RAI14: variants seen among roughly 807,000 people sequenced by gnomAD.
The protein encoded by RAI14 is retinoic acid induced 14.
Under a neutral mutation model 115.4 loss-of-function variants are expected in RAI14, and 45 were observed. The ratio of observed to expected loss-of-function variants is 0.39; its 90% CI spans 0.31 to 0.50. The LOEUF (loss-of-function observed/expected upper bound fraction) is 0.50, where lower values mean the gene tolerates loss of function less well. Among genes scored for constraint, RAI14 ranks in the 20% least tolerant of loss-of-function variants. The pLI, the probability that RAI14 is intolerant of heterozygous loss-of-function variation, is 0.85. For missense variants in RAI14, 939 were observed against 1,131.2 expected (o/e 0.83, Z 2.44); for synonymous variants, 371 against 415.4 (o/e 0.89, Z 1.30).
intron 14 of RAI14, 90 bp downstream of exon 14, chr5:34,821,940 A>G: frequency 3.1e-6 from 2 of 650,380 alleles, no homozygotes; most frequent in Non-Finnish European, 5.3e-6. Flanking sequence ...TTAAATGTGT[A>G]CATTAGTTTC....
chr5:34,809,174 G>A (rs1048778276), intron 7 of RAI14, among the ~76,000 whole-genome samples: 2 of 152,162 alleles, frequency 1.3e-5, no homozygotes, highest in East Asian at 1.9e-4. Flanking sequence ...CACCAGTGGC[G>A]TTTGGGGATA....
chr5:34,747,559 TATA>T (rs2150064324), intron 2 of RAI14, among the ~76,000 whole-genome samples: 1 of 152,330 alleles, frequency 6.6e-6, no homozygotes, highest in East Asian at 1.9e-4. Flanking sequence ...AAATAATGAA[TATA>T]AGTAAATGAG....
chr5:34,771,429 A>G lies in RAI14; in HGVS notation c.167+13831A>G, dbSNP rs188815359. 1.8e-3 allele frequency among the ~76,000 whole-genome samples: 267 copies of G among 152,354 alleles called. 1 individual carries two copies. The highest frequency in any genetic ancestry group is 2.2e-3 in the Admixed American group (33 of 15,302). On this transcript the variant is annotated intron_variant, in intron 3 of 17. Transcript: ENST00000265109. ...GTTTGAGAGAAATTTTCAGTGAATG[A>G]ATATGCCTGAGAAATTGAAGTCTTG...
chr5:34,665,031 A>ATGTATATATATG (rs869073370), intron 1 of RAI14, among the ~76,000 whole-genome samples: 1 of 31,428 alleles, frequency 3.2e-5, no homozygotes, highest in Non-Finnish European at 7.8e-5. Flanking sequence ...GTATATATAT[A>ATGTATATATATG]TGTATATATA....
At chr5:34,754,740 T>C (rs1446096280) in intron 2 of RAI14, among the ~76,000 whole-genome samples, 4 of 152,190 alleles carry the variant, frequency 2.6e-5, no homozygotes, top group Non-Finnish European at 4.4e-5. Flanking sequence ...GAATGTTGCA[T>C]TGACCTTGTC....
At chr5:34,740,865 A>G (rs549165135) in intron 2 of RAI14, among the ~76,000 whole-genome samples, 69 of 152,232 alleles carry the variant, frequency 4.5e-4, no homozygotes, top group Non-Finnish European at 8.7e-4. Flanking sequence ...GAAGGCTATA[A>G]CAAATATGCC....
At chr5:34,751,070 C>T (rs1446578701) in intron 2 of RAI14, among the ~76,000 whole-genome samples, 6 of 151,254 alleles carry the variant, frequency 4.0e-5, no homozygotes, top group Non-Finnish European at 7.4e-5. Context: ...AGGCTGGTCT[C>T]GAACTCCCGA....
At chr5:34,821,567 TTTC>T (rs1259909396) in intron 13 of RAI14, among the ~76,000 whole-genome samples, 162 bp from the exon 14 acceptor site, 3 of 152,178 alleles carry the variant, frequency 2.0e-5, no homozygotes, top group Non-Finnish European at 4.4e-5. Context: ...CCCAGTTTCC[TTTC>T]TATATAAAAT....
chr5:34,826,370 C>A lies in RAI14; in HGVS notation c.2690C>A (p.Ala897Asp). ...MSKEVTKLKE[A>D]LNSLSQLSYS... The stretch of plus-strand genomic sequence containing the variant: ...AAGGAAGTCACCAAATTGAAGGAGG[C>A]CTTGAACAGCCTCTCCCAGCTCTCC... Residue 897 changes from alanine to aspartate, a missense_variant, in exon 16 of 18, where the codon GCC (alanine) becomes GAC (aspartate). Transcript: ENST00000265109. The A allele has an allele frequency of 6.2e-7, 1 of 1,613,974 alleles. No individual in the cohort carries two copies. Among genetic ancestry groups the A allele is most frequent in the Non-Finnish European group, 8.5e-7 (1 of 1,179,924 alleles).
rs562847312 is a variant in RAI14, at chr5:34,832,491, G to A, written c.*1726G>A. 1.6e-4 allele frequency: 25 copies of A among 152,620 alleles called. No individual in the cohort carries two copies. The highest frequency in any genetic ancestry group is 1.2e-3 in the Admixed American group (19 of 15,282). 9.5% of individuals were successfully genotyped at this position (152,620 alleles called of 1,614,324 possible). A position where few individuals can be genotyped will look rare whatever the true frequency, so the allele number is the denominator to read the frequency against. ...AGGTGTAGCCTTTTATCTTGTTTCC[G>A]GATGCATATTTATTACGAGTACTCT... On this transcript the variant is annotated 3_prime_UTR_variant, in exon 18 of 18. Transcript: ENST00000265109.
chr5:34,687,241 C>G (rs904168948), intron 2 of RAI14, among the ~76,000 whole-genome samples: 2 of 152,160 alleles, frequency 1.3e-5, no homozygotes, highest in African/African-American at 4.8e-5. Flanking sequence ...AAGGAAGAAT[C>G]AGTAAAAACC....
chr5:34,822,250 G>GTATGTATA (rs1554012471), intron 14 of RAI14, among the ~76,000 whole-genome samples: 13 of 134,732 alleles, frequency 9.6e-5, no homozygotes, highest in African/African-American at 1.4e-4. Context: ...ATGTGTGTAT[G>GTATGTATA]TATATATATA....
chr5:34,770,454 T>A (rs537085919), intron 3 of RAI14, among the ~76,000 whole-genome samples: 1 of 152,258 alleles, frequency 6.6e-6, no homozygotes, highest in Non-Finnish European at 1.5e-5. Flanking sequence ...GCCTTCATGG[T>A]ACACACAGTC....
chr5:34,743,571 C>G (rs1745794174), intron 2 of RAI14, among the ~76,000 whole-genome samples: 1 of 152,182 alleles, frequency 6.6e-6, no homozygotes, highest in African/African-American at 2.4e-5. Context: ...CACTATTGAA[C>G]CCCCACAGTC....
chr5:34,798,346 G>GTTT (rs57789035), intron 4 of RAI14, among the ~76,000 whole-genome samples: 1,329 of 119,546 alleles, frequency 0.011, 9 homozygotes, highest in African/African-American at 0.014. Context: ...GCCAGAATAA[G>GTTT]TTTTTTTTTT....
chr5:34,811,060 A>G lies in RAI14; in HGVS notation c.499A>G (p.Ile167Val). The change falls in exon 8 of 18, where the codon ATC (isoleucine) becomes GTC (valine). Residue 167 changes from isoleucine (I) to valine (V), a missense_variant. By Grantham distance (29) the Ile-to-Val change is conservative (BLOSUM62 3). Coordinates refer to ENST00000265109, the MANE Select transcript of RAI14 (RefSeq NM_015577.3). ...TGCTGTACAAAATGGTCACAGTGAG[A>G]TCTGTCACTTTCTCCTGGATCATGG... ...LLAVQNGHSE[I>V]CHFLLDHGAD... 4 of 1,614,108 alleles carry G rather than the reference A, an allele frequency of 2.5e-6. No individual in the cohort carries two copies. The highest frequency in any genetic ancestry group is 3.4e-6 in the Non-Finnish European group (4 of 1,180,010).
chr5:34,669,047 G>C (rs1743430638), intron 1 of RAI14, among the ~76,000 whole-genome samples: 1 of 152,020 alleles, frequency 6.6e-6, no homozygotes, highest in South Asian at 2.1e-4. Flanking sequence ...AGTAGAGACG[G>C]GGTTTCACTA....
chr5:34,682,046 G>T (rs1744426920), intron 1 of RAI14, among the ~76,000 whole-genome samples: 1 of 151,782 alleles, frequency 6.6e-6, no homozygotes. Flanking sequence ...GTAGAGACAG[G>T]GTTTCACCAT....
chr5:34,710,310 T>C (rs1347462335), intron 2 of RAI14, among the ~76,000 whole-genome samples: 2 of 152,210 alleles, frequency 1.3e-5, no homozygotes, highest in Non-Finnish European at 2.9e-5. Context: ...AGGTGCATTA[T>C]TCTAGTCCTC....
Sources: allele counts gnomAD v4.1 joint callset (sites outside exome capture counted in the v4.1 genomes callset), GRCh38; gene constraint gnomAD v4.1.1; transcripts MANE v1.5; gene names NCBI Gene and HGNC (gene_info 2026-07-23, HGNC 2026-07-21).